Variants in TFIP11 observed in about 807,000 individuals in gnomAD.
TFIP11 encodes tuftelin interacting protein 11, also known as tuftelin-interacting protein 11.
In TFIP11, 86 loss-of-function variants were observed where a neutral mutation model predicts 96.8. The observed-to-expected ratio is 0.89, with a 90% confidence interval of 0.75 to 1.06. TFIP11 has a LOEUF of 1.06. Among genes scored for constraint, TFIP11 ranks in the 50% least tolerant of loss-of-function variants. The pLI is 0.00. For synonymous variants in TFIP11, 405 were observed against 395.2 expected (o/e 1.02, Z -0.29); for missense variants, 881 against 1,076.7 (o/e 0.82, Z 2.54).
intron 12 of TFIP11, 110 bp downstream of exon 12, chr22:26,495,963 A>G: frequency 6.9e-7 from 1 of 1,453,320 alleles, no homozygotes; most frequent in Non-Finnish European, 9.3e-7. Context: ...AATATTGTGT[A>G]CTAAGCACTT....
rs141700690 is a variant in TFIP11 at position 26,497,282 on chromosome 22, T to C, written c.1437-393A>G. ...GTGCCAACCCCCGTTCCAAGTAGGT[T>C]GCTCCTGCAGTTCTCTATCGCTGTA... On this transcript the variant is annotated intron_variant, in intron 10 of 14. Coordinates refer to ENST00000407690, the MANE Select transcript of TFIP11 (RefSeq NM_012143.4). 2.1e-3 allele frequency among the ~76,000 whole-genome samples: 313 copies of C among 152,340 alleles called. 1 individual carries two copies. Among genetic ancestry groups the C allele is most frequent in the African/African-American group, 6.7e-3 (280 of 41,586 alleles).
intron 8 of TFIP11, among the ~76,000 whole-genome samples, chr22:26,499,882 T>C (rs557844776): frequency 1.8e-4 from 27 of 152,226 alleles, no homozygotes; most frequent in Non-Finnish European, 2.1e-4. Flanking sequence ...GAAGACTTTT[T>C]AGGGAAACAT....
In TFIP11 at chr22:26,491,361, A is replaced by G; in HGVS notation, c.*652T>C. On this transcript the variant is annotated 3_prime_UTR_variant, in exon 15 of 15. Coordinates refer to ENST00000407690, the MANE Select transcript of TFIP11 (RefSeq NM_012143.4). ...AAAATACCCTATTTGTTATTTTTTTAAAAAGTAAAGTGGGGATGACAAGTA... is the reference window on the plus strand; with the variant it reads ...AAAATACCCTATTTGTTATTTTTTTGAAAAGTAAAGTGGGGATGACAAGTA... 1.0e-6 allele frequency: 1 copy of G among 999,062 alleles called. No individual in the cohort carries two copies. Among genetic ancestry groups the G allele is most frequent in the Non-Finnish European group, 1.5e-6 (1 of 665,656 alleles). 61.9% of individuals were successfully genotyped at this position (999,062 alleles called of 1,614,324 possible).
At chr22:26,499,964 A>G (rs1396827357) in intron 8 of TFIP11, among the ~76,000 whole-genome samples, 1 of 152,238 alleles carries the variant, frequency 6.6e-6, no homozygotes, top group African/African-American at 2.4e-5. Flanking sequence ...AGCTGTACTG[A>G]TCAAAGAAGG....
intron 10 of TFIP11, among the ~76,000 whole-genome samples, chr22:26,497,724 A>C (rs917062988): frequency 6.6e-6 from 1 of 152,086 alleles, no homozygotes; most frequent in African/African-American, 2.4e-5. Flanking sequence ...AAAAATACAA[A>C]AATTAGCTGG....
intron 8 of TFIP11, among the ~76,000 whole-genome samples, chr22:26,500,384 A>G (rs1922629844): frequency 6.6e-6 from 1 of 152,108 alleles, no homozygotes; most frequent in Non-Finnish European, 1.5e-5. Context: ...TTAGCCAGGA[A>G]GGTCTCAATC....
In TFIP11 at chr22:26,504,936, C is replaced by T. The variant is rs552003532; in HGVS notation, c.521-1143G>A. Reference sequence around the variant, plus strand: ...ACCAAAAATACAAAAATTAGCTGGGCGTGGTGGCGGGTGCCTGTAATCCCT... The same window carrying T: ...ACCAAAAATACAAAAATTAGCTGGGTGTGGTGGCGGGTGCCTGTAATCCCT... On this transcript the variant is annotated intron_variant, in intron 6 of 14. Transcript: ENST00000407690. 1.2e-4 allele frequency among the ~76,000 whole-genome samples: 18 copies of T among 152,094 alleles called. No individual in the cohort carries two copies. The South Asian group carries it at 3.5e-3, about 30-fold the overall frequency.
intron 4 of TFIP11, among the ~76,000 whole-genome samples, chr22:26,508,487 C>T (rs929064445): frequency 7.9e-5 from 12 of 152,192 alleles, no homozygotes; most frequent in African/African-American, 2.9e-4. Context: ...ATTTGTCATC[C>T]ACTTTCAGAC....
In TFIP11 at chr22:26,506,374, T is replaced by G; in HGVS notation, c.449A>C (p.Lys150Thr). 1 of 1,613,998 alleles carries G rather than the reference T, an allele frequency of 6.2e-7. No individual in the cohort carries two copies. Among genetic ancestry groups the G allele is most frequent in the Non-Finnish European group, 8.5e-7 (1 of 1,179,894 alleles). Reference sequence around the variant, plus strand: ...CTGAAGAAGCTTCTGTCCAATTCCTTTTGTGTGTCTTTCCCAGCTGCCGAA... The same window carrying G: ...CTGAAGAAGCTTCTGTCCAATTCCTGTTGTGTGTCTTTCCCAGCTGCCGAA... ...MDFGSWERHT[K>T]GIGQKLLQKM... Residue 150 changes from lysine (K) to threonine (T), a missense_variant, in exon 6 of 15, where the codon AAA becomes ACA. Physicochemically the swap from Lys to Thr is moderately conservative, Grantham distance 78 (BLOSUM62 -1). Transcript: ENST00000407690.
rs530864868 is a variant in TFIP11 at position 26,492,757 on chromosome 22, C to A, written c.2159-389G>T. 23 of 210,822 alleles carry A rather than the reference C, an allele frequency of 1.1e-4. No individual in the cohort carries two copies. The South Asian group carries it at 1.9e-3, about 17-fold the overall frequency. 13.1% of individuals were successfully genotyped at this position (210,822 alleles called of 1,614,324 possible). A position where few individuals can be genotyped will look rare whatever the true frequency, so the allele number is the denominator to read the frequency against. ...TTTAGTACCTTGAAAACATAGGGCC[C>A]ATACTGGCTTTATTTTTAACCTACC... On this transcript the variant is annotated intron_variant, in intron 14 of 14. Transcript: ENST00000407690.
In TFIP11 at chr22:26,494,904, G is replaced by A. The variant is rs775324967; in HGVS notation, c.1885C>T (p.Gln629Ter). The A allele has an allele frequency of 7.4e-6, 12 of 1,614,112 alleles. No homozygotes were observed. Among genetic ancestry groups the A allele is most frequent in the Non-Finnish European group, 9.3e-6 (11 of 1,180,058 alleles). The change falls in exon 13 of 15, where the codon CAG becomes TAG. Residue 629 changes from glutamine (Q) to a stop codon, truncating the protein, a stop_gained. Transcript: ENST00000407690. LOFTEE classifies it high-confidence loss of function. ...CLGELVINPH[Q>*]QHMDAFYWVI... ...CAATAGAATGCATCCATGTGCTGCT[G>A]GTGGGGGTTAATGACTAGCTCACCA... is the stretch of plus-strand genomic sequence containing the variant.
intron 10 of TFIP11, 150 bp from the exon 11 acceptor site, chr22:26,497,039 G>C (rs1394663028): frequency 2.2e-5 from 19 of 878,536 alleles, no homozygotes; most frequent in Non-Finnish European, 3.3e-5. Context: ...CACCATACTG[G>C]CCAGACTGAG....
Position 26,498,951 on chromosome 22 carries a change from TG to T in TFIP11, c.1353del (p.Ile452SerfsTer8), listed in dbSNP as rs749204592. The T allele has an allele frequency of 2.5e-6, 4 of 1,613,906 alleles. No homozygotes were observed. Among genetic ancestry groups the T allele is most frequent in the Non-Finnish European group, 3.4e-6 (4 of 1,179,974 alleles). ...TCTAGGAGGCTTTTCCACTTAGAGA[TG>T]ATCTCGGTGCCATAAGTGCAGTCCT... Reference protein sequence around the residue: ...PLKDCTYGTEIISKWKSLLEN... With the variant: ...PLKDCTYGTEXISKWKSLLEN... On this transcript the variant is annotated frameshift_variant, in exon 10 of 15. Coordinates refer to ENST00000407690, the MANE Select transcript of TFIP11 (RefSeq NM_012143.4). LOFTEE classifies it high-confidence loss of function.
intron 8 of TFIP11, among the ~76,000 whole-genome samples, chr22:26,500,914 C>T (rs567829158): frequency 1.1e-3 from 136 of 126,760 alleles, no homozygotes; most frequent in African/African-American, 3.6e-3. Context: ...GACGGAGTCT[C>T]GCTCTGTCCC....
rs115154464 is a variant in TFIP11 at position 26,504,474 on chromosome 22, C to T, written c.521-681G>A. Among the ~76,000 whole-genome samples, 1,224 of 152,006 alleles carry T rather than the reference C, an allele frequency of 8.1e-3. 13 individuals are homozygous for T. Among genetic ancestry groups the T allele is most frequent in the African/African-American group, 0.028 (1,170 of 41,420 alleles). On this transcript the variant is annotated intron_variant, in intron 6 of 14. Transcript: ENST00000407690. Reference sequence around the variant, plus strand: ...TTGTAATCCTAGCACTTTGGGAGGCCAAGGTCTTGAACCAGCCTGGGCAAC... The same window carrying T: ...TTGTAATCCTAGCACTTTGGGAGGCTAAGGTCTTGAACCAGCCTGGGCAAC...
intron 8 of TFIP11, among the ~76,000 whole-genome samples, chr22:26,500,929 G>T (rs369761463): frequency 4.1e-5 from 6 of 147,088 alleles, no homozygotes; most frequent in Admixed American, 3.4e-4. Flanking sequence ...TGTCCCCCAG[G>T]CTGGAGTGCA....
rs1306777917 is a variant in TFIP11, at chr22:26,499,495, G to C, written c.938C>G (p.Pro313Arg). The C allele has an allele frequency of 1.9e-6, 3 of 1,614,162 alleles. No individual in the cohort carries two copies. Among genetic ancestry groups the C allele is most frequent in the Non-Finnish European group, 2.5e-6 (3 of 1,180,042 alleles). The change falls in exon 9 of 15, where the codon CCC becomes CGC. Residue 313 changes from proline (P) to arginine (R), a missense_variant. By Grantham distance (103) the Pro-to-Arg change is moderately radical (BLOSUM62 -2). Transcript: ENST00000407690. ...LPQSGKEAKA[P>R]GFALPELEHN... Reference sequence around the variant, plus strand: ...CTCCAGCTCGGGCAGCGCGAAGCCGGGGGCCTTGGCCTCTTTGCCAGACTG... The same window carrying C: ...CTCCAGCTCGGGCAGCGCGAAGCCGCGGGCCTTGGCCTCTTTGCCAGACTG...
chr22:26,499,174 C>T lies in TFIP11; in HGVS notation c.1259G>A (p.Arg420His), dbSNP rs144296284. The T allele has an allele frequency of 1.9e-5, 31 of 1,609,132 alleles. No individual in the cohort carries two copies. The highest frequency in any genetic ancestry group is 1.2e-4 in the African/African-American group (9 of 74,984). The change falls in exon 9 of 15, where the codon CGT becomes CAT. Residue 420 changes from arginine (R) to histidine (H), a missense_variant. By Grantham distance (29) the Arg-to-His change is conservative. Coordinates refer to ENST00000407690, the MANE Select transcript of TFIP11 (RefSeq NM_012143.4). ...GACGATGGCCACAGCAAGGTCCACA[C>T]GGTCGGACATCCTGTACTCCTCATA... The part of the protein sequence containing the change: ...KYYEEYRMSD[R>H]VDLAVAIVYP...
chr22:26,511,434 C>T (rs1268171215), intron 2 of TFIP11: 1 of 152,206 alleles, frequency 6.6e-6, no homozygotes. Flanking sequence ...AGGATCAATA[C>T]TTCGTATCCT....
Sources: gnomAD v4.1 joint callset for allele counts (sites outside exome capture counted in the v4.1 genomes callset) on GRCh38, gnomAD v4.1.1 for gene constraint, MANE v1.5 for transcripts, NCBI Gene and HGNC (gene_info 2026-07-23, HGNC 2026-07-21) for gene names.